The following COMP variants were observed in gnomAD, a reference collection of about 807,000 sequenced individuals.
The protein encoded by COMP is cartilage oligomeric matrix protein.
COMP carries 79 observed loss-of-function variants against 95.8 expected under a neutral mutation model. The observed-to-expected ratio is 0.82, with a 90% CI of 0.69 to 0.99. COMP has a LOEUF of 0.99. COMP is among the 50% of genes least tolerant of loss of function. COMP has a pLI of 0.00. For synonymous variants in COMP, 438 were observed against 433.9 expected (o/e 1.01, Z -0.12); for missense variants, 906 against 1,076.1 (o/e 0.84, Z 2.21).
In COMP at chr19:18,786,297, G is replaced by C. The variant is rs1361125864; in HGVS notation, c.1255-6C>G. 2 of 1,613,914 alleles carry C rather than the reference G, an allele frequency of 1.2e-6. No individual in the cohort carries two copies. Among genetic ancestry groups the C allele is most frequent in the East Asian group, 4.5e-5 (2 of 44,878 alleles). Reference sequence around the variant, plus strand: ...AAGTCGTGGTCCACATCCGCCTGCGGAGGGCAGCATGCGGGGGTCCATAAT... The same window carrying C: ...AAGTCGTGGTCCACATCCGCCTGCGCAGGGCAGCATGCGGGGGTCCATAAT... On this transcript the variant is annotated splice_region_variant and splice_polypyrimidine_tract_variant and intron_variant, in intron 11 of 18. Coordinates refer to ENST00000222271, the MANE Select transcript of COMP (RefSeq NM_000095.3).
In COMP at chr19:18,788,433, A is replaced by T. The variant is rs767073502; in HGVS notation, c.844T>A (p.Cys282Ser). 2 of 1,330,584 alleles carry T rather than the reference A, an allele frequency of 1.5e-6. No individual in the cohort carries two copies. Among genetic ancestry groups the T allele is most frequent in the African/African-American group, 3.2e-5 (2 of 62,936 alleles). The allele number at this position is 1,330,584 out of a possible 1,614,324, so 82.4% of individuals were successfully genotyped here. A position where few individuals can be genotyped will look rare whatever the true frequency, so the allele number is the denominator to read the frequency against. ...ACCTTACGGCACTGGCGCTCCGGGC[A>T]GCGCAGCTTCTCGTCCGGGAAGCCG... ...LDGFPDEKLR[C>S]PERQCRKDNC... The change falls in exon 8 of 19, where the codon TGC becomes AGC. Residue 282 changes from cysteine to serine, a missense_variant. Cys to Ser is a moderately radical substitution (Grantham distance 112). Transcript: ENST00000222271. This position sits in a 1 kb window ranked among gnomAD's most constrained non-coding sequence, Gnocchi z 4.7.
chr19:18,787,171 A>T, intron 10 of COMP: 2 of 481,686 alleles, frequency 4.2e-6, no homozygotes, highest in South Asian at 4.2e-5. Context: ...CGTGTGTGCC[A>T]CCCTGAGCCC....
At position 18,788,395 on chromosome 19, in the gene COMP, T is replaced by G; in HGVS notation, c.867+15A>C. ...TCCCTCCTGCCCAAGCCCGCCCCGC[T>G]CCGCCCCCACCCACCTTACGGCACT... On this transcript the variant is annotated intron_variant, in intron 8 of 18. Transcript: ENST00000222271. The surrounding 1 kb of genome is among the most constrained non-coding windows in gnomAD (Gnocchi z 4.7). The G allele has an allele frequency of 3.7e-4, 296 of 798,426 alleles. No homozygotes were observed. The highest frequency in any genetic ancestry group is 5.3e-4 in the Non-Finnish European group (275 of 518,384). The allele number at this position is 798,426 out of a possible 1,614,324, so 49.5% of individuals were successfully genotyped here.
At chr19:18,786,942 T>C (rs2055172217) in intron 10 of COMP, 1 of 367,466 alleles carries the variant, frequency 2.7e-6, no homozygotes, top group African/African-American at 2.1e-5. Flanking sequence ...CCAGCAAATT[T>C]TTGTATTTTT....
Position 18,787,595 on chromosome 19 carries a change from C to G in COMP, c.1031G>C (p.Trp344Ser), listed in dbSNP as rs571146259. Reference protein sequence around the residue: ...PDQRNTDEDKWGDACDNCRSQ... With the variant: ...PDQRNTDEDKSGDACDNCRSQ... ...CCGGCAGTTGTCGCACGCATCGCCC[C>G]ACTTGTCCTCGTCCGTGTTGCGCTG... The change falls in exon 10 of 19, where the codon TGG (tryptophan) becomes TCG (serine). Residue 344 changes from tryptophan to serine, a missense_variant. Transcript: ENST00000222271. 2 of 1,614,100 alleles carry G rather than the reference C, an allele frequency of 1.2e-6. No homozygotes were observed. The highest frequency in any genetic ancestry group is 4.5e-5 in the East Asian group (2 of 44,872).
chr19:18,788,115 G>C lies in COMP; in HGVS notation c.975+97C>G. 2.0e-6 allele frequency: 2 copies of C among 986,132 alleles called. No homozygotes were observed. The highest frequency in any genetic ancestry group is 3.2e-6 in the Non-Finnish European group (2 of 632,736). The allele number at this position is 986,132 out of a possible 1,614,324, so 61.1% of individuals were successfully genotyped here. A position where few individuals can be genotyped will look rare whatever the true frequency, so the allele number is the denominator to read the frequency against. ...GGAGGGGTTTCACCATGATGGCCAG[G>C]ATGGTCTCCATCTCTTGACCTCGTG... On this transcript the variant is annotated intron_variant, in intron 9 of 18. Coordinates refer to ENST00000222271, the MANE Select transcript of COMP (RefSeq NM_000095.3). This position sits in a 1 kb window ranked among gnomAD's most constrained non-coding sequence, Gnocchi z 4.7.
At chr19:18,785,174 C>T in intron 15 of COMP, 82 bp from the exon 16 acceptor site, 3 of 1,359,816 alleles carry the variant, frequency 2.2e-6, no homozygotes, top group South Asian at 2.3e-5. Flanking sequence ...CAAACCTGCC[C>T]CCTGGGTCCC....
intron 10 of COMP, chr19:18,787,125 C>T (rs2055173107): frequency 9.8e-6 from 4 of 410,176 alleles, no homozygotes; most frequent in South Asian, 8.8e-5. Flanking sequence ...GTGAGGGGGA[C>T]GGGCTCTCAC....
Position 18,789,816 on chromosome 19 carries a change from G to T in COMP, c.390+126C>A. The T allele has an allele frequency of 3.3e-6, 4 of 1,217,592 alleles. No homozygotes were observed. Among genetic ancestry groups the T allele is most frequent in the South Asian group, 1.3e-5 (1 of 77,520 alleles). 75.4% of individuals were successfully genotyped at this position (1,217,592 alleles called of 1,614,324 possible). Reference sequence around the variant, plus strand: ...CGGTAAGGAGGTAGTCTGGCCGTGCGCCCCCGGAGGTGAGAGGCTCTTCGG... The same window carrying T: ...CGGTAAGGAGGTAGTCTGGCCGTGCTCCCCCGGAGGTGAGAGGCTCTTCGG... On this transcript the variant is annotated intron_variant, in intron 4 of 18. Transcript: ENST00000222271. The surrounding 1 kb of genome is among the most constrained non-coding windows in gnomAD (Gnocchi z 6.1).
intron 9 of COMP, 76 bp from the exon 10 acceptor site, chr19:18,787,726 C>T: frequency 2.5e-6 from 4 of 1,589,876 alleles, no homozygotes; most frequent in Non-Finnish European, 3.4e-6. Context: ...CCCAAATCTC[C>T]GAGGACGCGT....
Position 18,783,168 on chromosome 19 carries a change from G to C in COMP, c.2113C>G (p.Leu705Val). 1.2e-6 allele frequency: 2 copies of C among 1,609,152 alleles called. No homozygotes were observed. Among genetic ancestry groups the C allele is most frequent in the Non-Finnish European group, 1.7e-6 (2 of 1,180,014 alleles). The stretch of plus-strand genomic sequence containing the variant: ...AAGACCACGTTGCTGTCGGCCACCA[G>C]CTCAGGGCCCTCATAGAATCGCACC... ...IRVRFYEGPE[L>V]VADSNVVLDT... The change falls in exon 18 of 19, where the codon CTG becomes GTG. Residue 705 changes from leucine to valine, a missense_variant. By Grantham distance (32) the Leu-to-Val change is conservative. Transcript: ENST00000222271.
intron 3 of COMP, 152 bp from the exon 4 acceptor site, chr19:18,790,266 C>G: frequency 1.5e-6 from 1 of 688,556 alleles, no homozygotes; most frequent in Non-Finnish European, 2.4e-6. Flanking sequence ...TCCGCGATCC[C>G]GCCCCAGAGG....
intron 3 of COMP, among the ~76,000 whole-genome samples, 183 bp from the exon 4 acceptor site, chr19:18,790,297 G>A (rs945298603): frequency 6.6e-6 from 1 of 151,246 alleles, no homozygotes; most frequent in African/African-American, 2.4e-5. Flanking sequence ...TGACCGCGGG[G>A]TCTCCCCGGT....
chr19:18,788,732 G>A lies in COMP; in HGVS notation c.622C>T (p.Pro208Ser). 6.4e-7 allele frequency: 1 copy of A among 1,552,750 alleles called. No individual in the cohort carries two copies. Among genetic ancestry groups the A allele is most frequent in the African/African-American group, 1.4e-5 (1 of 73,898 alleles). ...TCGCCCACGAAGCCGGGCTGGCACGGGCCGCACTGGAAGGAGCCCTGCGCC... is the reference window on the plus strand; with the variant it reads ...TCGCCCACGAAGCCGGGCTGGCACGAGCCGCACTGGAAGGAGCCCTGCGCC... Reference protein sequence around the residue: ...INTRGSFQCGPCQPGFVGDQA... With the variant: ...INTRGSFQCGSCQPGFVGDQA... Residue 208 changes from proline (P) to serine (S), a missense_variant, in exon 7 of 19, where the codon CCG becomes TCG. Physicochemically the swap from Pro to Ser is moderately conservative, Grantham distance 74. Coordinates refer to ENST00000222271, the MANE Select transcript of COMP (RefSeq NM_000095.3). The surrounding 1 kb of genome is among the most constrained non-coding windows in gnomAD (Gnocchi z 4.7).
At chr19:18,783,023 C>G in intron 18 of COMP, 31 bp downstream of exon 18, 1 of 1,611,896 alleles carries the variant, frequency 6.2e-7, no homozygotes, top group Non-Finnish European at 8.5e-7. Context: ...GTGCAGACTC[C>G]CCGCCCACGG....
At position 18,782,820 on chromosome 19, in the gene COMP, C is replaced by T. The variant is rs924956840; in HGVS notation, c.*95G>A. On this transcript the variant is annotated 3_prime_UTR_variant, in exon 19 of 19. Coordinates refer to ENST00000222271, the MANE Select transcript of COMP (RefSeq NM_000095.3). ...TGTCCTCTCTGAGCCCTTCTCACTT[C>T]CCCCTCAGGACGGCCACCCCTTGGG... is the stretch of plus-strand genomic sequence containing the variant. 3.6e-6 allele frequency: 5 copies of T among 1,381,744 alleles called. No individual in the cohort carries two copies. In the African/African-American group the frequency reaches 5.7e-5, roughly 16 times the overall value. 85.6% of individuals were successfully genotyped at this position (1,381,744 alleles called of 1,614,324 possible). A position where few individuals can be genotyped will look rare whatever the true frequency, so the allele number is the denominator to read the frequency against.
At position 18,788,596 on chromosome 19, in the gene COMP, C is replaced by T; in HGVS notation, c.758G>A (p.Cys253Tyr). 6.4e-7 allele frequency: 1 copy of T among 1,553,676 alleles called. No individual in the cohort carries two copies. The highest frequency in any genetic ancestry group is 8.7e-7 in the Non-Finnish European group (1 of 1,149,282). ...CVLERDGSRS[C>Y]VCAVGWAGNG... is the part of the protein sequence containing the mutation. ...GCCCAGCCCGCCCGCACTCACCACG[C>T]ACGACCGCGAGCCATCGCGCTCTAG... is the stretch of plus-strand genomic sequence containing the variant. The change falls in exon 7 of 19, where the codon TGC becomes TAC. Residue 253 changes from cysteine to tyrosine, a missense_variant. Coordinates refer to ENST00000222271, the MANE Select transcript of COMP (RefSeq NM_000095.3). The surrounding 1 kb of genome is among the most constrained non-coding windows in gnomAD (Gnocchi z 4.7).
Position 18,788,402 on chromosome 19 carries a change from C to G in COMP, c.867+8G>C, listed in dbSNP as rs769468724. On this transcript the variant is annotated splice_region_variant and intron_variant, in intron 8 of 18. Coordinates refer to ENST00000222271, the MANE Select transcript of COMP (RefSeq NM_000095.3). The surrounding 1 kb of genome is among the most constrained non-coding windows in gnomAD (Gnocchi z 4.7). ...TGCCCAAGCCCGCCCCGCTCCGCCCCCACCCACCTTACGGCACTGGCGCTC... is the reference window on the plus strand; with the variant it reads ...TGCCCAAGCCCGCCCCGCTCCGCCCGCACCCACCTTACGGCACTGGCGCTC... The G allele has an allele frequency of 1.9e-6, 3 of 1,607,662 alleles. No homozygotes were observed. The highest frequency in any genetic ancestry group is 8.5e-7 in the Non-Finnish European group (1 of 1,178,282).
In COMP at chr19:18,784,116, C is replaced by G; in HGVS notation, c.2087+75G>C. The stretch of plus-strand genomic sequence containing the variant: ...ATGAGGGGACCAGGGTCACACAGCC[C>G]CTGCCTGGCCAGGGCACTCCCACCT... On this transcript the variant is annotated intron_variant, in intron 17 of 18. Transcript: ENST00000222271. The surrounding 1 kb of genome is among the most constrained non-coding windows in gnomAD (Gnocchi z 4.9). 6.5e-7 allele frequency: 1 copy of G among 1,544,092 alleles called. No individual in the cohort carries two copies. Among genetic ancestry groups the G allele is most frequent in the Admixed American group, 1.7e-5 (1 of 59,860 alleles).
Sources: gnomAD v4.1 joint callset for allele counts (sites outside exome capture counted in the v4.1 genomes callset) on GRCh38, gnomAD v4.1.1 for gene constraint, Gnocchi (gnomAD v3.1) non-coding constraint, MANE v1.5 for transcripts, NCBI Gene and HGNC (gene_info 2026-07-23, HGNC 2026-07-21) for gene names.